The following BOP1 variants were observed in gnomAD, a reference collection of about 807,000 sequenced individuals.
The protein encoded by BOP1 is BOP1 ribosomal biogenesis factor.
A neutral mutation model predicts 82.9 loss-of-function variants in BOP1; 54 were observed. The ratio of observed to expected loss-of-function variants is 0.65; its 90% CI spans 0.52 to 0.82. The LOEUF (loss-of-function observed/expected upper bound fraction) is 0.82. Among genes scored for constraint, BOP1 ranks in the 40% least tolerant of loss-of-function variants. The pLI is 0.00. For synonymous variants in BOP1, 566 were observed against 451.1 expected (o/e 1.25, Z -3.23); for missense variants, 1,170 against 1,072.0 (o/e 1.09, Z -1.28).
intron 3 of BOP1, chr8:144,267,252 A>G: frequency 7.0e-7 from 1 of 1,428,188 alleles, no homozygotes. Flanking sequence ...CAGGCAGAGG[A>G]GGCGAGGCCA....
rs1815061788 is a variant in BOP1, at chr8:144,291,222, C to A, written c.99+50G>T. The A allele has an allele frequency of 7.3e-7, 1 of 1,370,246 alleles. No individual in the cohort carries two copies. Among genetic ancestry groups the A allele is most frequent in the Admixed American group, 3.8e-5 (1 of 26,570 alleles). The allele number at this position is 1,370,246 out of a possible 1,614,324, so 84.9% of individuals were successfully genotyped here. A position where few individuals can be genotyped will look rare whatever the true frequency, so the allele number is the denominator to read the frequency against. On this transcript the variant is annotated intron_variant, in intron 1 of 15. Transcript: ENST00000569669. The surrounding 1 kb of genome is among the most constrained non-coding windows in gnomAD (Gnocchi z 4.1). Reference sequence around the variant, plus strand: ...ACCCGCCCCAGCGCGGCCACGTGCCCGCCGGGCCCTCTAGGGACGCGCCCC... The same window carrying A: ...ACCCGCCCCAGCGCGGCCACGTGCCAGCCGGGCCCTCTAGGGACGCGCCCC...
At chr8:144,278,893 T>C (rs55771710) in intron 2 of BOP1, among the ~76,000 whole-genome samples, 79,066 of 152,120 alleles carry the variant, frequency 0.52, 21,036 homozygotes, top group African/African-American at 0.6. Context: ...AGAAAGTACA[T>C]CAGCAGGAAC....
intron 3 of BOP1, among the ~76,000 whole-genome samples, chr8:144,271,174 C>T (rs1318611649): frequency 1.3e-5 from 2 of 152,126 alleles, no homozygotes; most frequent in African/African-American, 2.4e-5. Flanking sequence ...CAGACTGCAC[C>T]GGACACAGGC....
chr8:144,278,342 A>T (rs1387030871), intron 2 of BOP1, among the ~76,000 whole-genome samples: 4 of 152,224 alleles, frequency 2.6e-5, no homozygotes, highest in African/African-American at 9.6e-5. Flanking sequence ...GAATGTCACC[A>T]TGAGGACCAA....
intron 2 of BOP1, among the ~76,000 whole-genome samples, chr8:144,280,063 T>C (rs1845644456): frequency 6.6e-6 from 1 of 152,210 alleles, no homozygotes; most frequent in Admixed American, 6.5e-5. Flanking sequence ...GCTTTCGGCC[T>C]GAACTCTGAC....
At position 144,263,932 on chromosome 8, in the gene BOP1, G is replaced by A. The variant is rs1845298443; in HGVS notation, c.1141-21C>T. 12 of 1,611,106 alleles carry A rather than the reference G, an allele frequency of 7.4e-6. No homozygotes were observed. The South Asian group carries it at 1.1e-4, about 15-fold the overall frequency. The stretch of plus-strand genomic sequence containing the variant: ...TTCACCTGGGGCAGGAGAGCGCCAG[G>A]TCAGCCTTGCCCCCTGTGCCACCCC... On this transcript the variant is annotated intron_variant, in intron 8 of 15. Transcript: ENST00000569669.
intron 3 of BOP1, among the ~76,000 whole-genome samples, chr8:144,272,302 T>A (rs1845504497): frequency 6.6e-6 from 1 of 151,880 alleles, no homozygotes; most frequent in African/African-American, 2.4e-5. Context: ...TCCGGACACC[T>A]CCAAAATCTC....
intron 2 of BOP1, among the ~76,000 whole-genome samples, chr8:144,284,858 G>C (rs1411148029): frequency 6.6e-6 from 1 of 152,206 alleles, no homozygotes; most frequent in Admixed American, 6.5e-5. Context: ...CTGTGGCCCG[G>C]CCCTGCAGCC....
At chr8:144,266,889 C>T in intron 3 of BOP1, 2 of 1,514,278 alleles carry the variant, frequency 1.3e-6, no homozygotes, top group Non-Finnish European at 1.8e-6. Context: ...ACAGCGTGAA[C>T]ACGGCCTTCA....
At chr8:144,286,028 A>G (rs543454379) in intron 2 of BOP1, among the ~76,000 whole-genome samples, 191 of 152,332 alleles carry the variant, frequency 1.3e-3, no homozygotes, top group African/African-American at 4.4e-3. Flanking sequence ...CTGCCGGCTG[A>G]GTTTCCACCT....
intron 15 of BOP1, 37 bp downstream of exon 15, chr8:144,262,359 T>G: frequency 6.2e-7 from 1 of 1,612,574 alleles, no homozygotes; most frequent in Non-Finnish European, 8.5e-7. Context: ...CAGACACCAC[T>G]GCCCTGGGGA....
chr8:144,263,773 G>A lies in BOP1; in HGVS notation c.1222-12C>T. 1.3e-6 allele frequency: 2 copies of A among 1,595,170 alleles called. No individual in the cohort carries two copies. The highest frequency in any genetic ancestry group is 1.7e-6 in the Non-Finnish European group (2 of 1,172,488). On this transcript the variant is annotated splice_polypyrimidine_tract_variant and intron_variant, in intron 9 of 15. Coordinates refer to ENST00000569669, the MANE Select transcript of BOP1 (RefSeq NM_015201.5). ...TGGCCCCTGTAGACCTGAGGAGGCG[G>A]CGGCAGTGAGGAGTCAGACTGGGAG...
At chr8:144,269,789 C>G (rs1238259941) in intron 3 of BOP1, among the ~76,000 whole-genome samples, 1 of 152,190 alleles carries the variant, frequency 6.6e-6, no homozygotes, top group African/African-American at 2.4e-5. Flanking sequence ...TGACGCAGCC[C>G]CTTCCCTTCT....
chr8:144,266,903 C>T (rs1564596187), intron 3 of BOP1: 7 of 1,537,140 alleles, frequency 4.6e-6, no homozygotes, highest in Admixed American at 1.8e-5. Flanking sequence ...GCCTTCACGG[C>T]GCTGCGCACG....
At chr8:144,287,345 G>A (rs1284207533) in intron 2 of BOP1, among the ~76,000 whole-genome samples, 1 of 152,164 alleles carries the variant, frequency 6.6e-6, no homozygotes, top group Non-Finnish European at 1.5e-5. Context: ...ACATGTAAAT[G>A]TGTAAATCCT....
At chr8:144,285,412 A>G (rs1564603491) in intron 2 of BOP1, among the ~76,000 whole-genome samples, 1 of 152,216 alleles carries the variant, frequency 6.6e-6, no homozygotes, top group Non-Finnish European at 1.5e-5. Flanking sequence ...ACTGTGGAGG[A>G]AACAGCGACA....
chr8:144,273,849 G>A (rs1273651786), intron 3 of BOP1, among the ~76,000 whole-genome samples: 1 of 151,770 alleles, frequency 6.6e-6, no homozygotes, highest in East Asian at 1.9e-4. Context: ...TCCTCCAGGG[G>A]CTCCGCCCGC....
In BOP1 at chr8:144,284,923, G is replaced by A. The variant is rs539272166; in HGVS notation, c.309+4172C>T. Among the ~76,000 whole-genome samples the A allele has an allele frequency of 1.2e-3, 177 of 152,304 alleles. 2 individuals carry two copies. The highest frequency in any genetic ancestry group is 3.4e-3 in the Middle Eastern group (1 of 294). On this transcript the variant is annotated intron_variant, in intron 2 of 15. Transcript: ENST00000569669. The stretch of plus-strand genomic sequence containing the variant: ...GCAGGTCCGGAGCCCTTGGCAGGTC[G>A]CCAGGTCTCCACAGGGGCCGCCAGC...
At chr8:144,267,190 G>A in intron 3 of BOP1, 1 of 1,512,196 alleles carries the variant, frequency 6.6e-7, no homozygotes, top group Non-Finnish European at 8.8e-7. Context: ...GGTGAGCACG[G>A]GCCGTGGGGC....
Sources: allele counts gnomAD v4.1 joint callset (sites outside exome capture counted in the v4.1 genomes callset), GRCh38; gene constraint gnomAD v4.1.1; non-coding constraint Gnocchi (gnomAD v3.1); transcripts MANE v1.5; gene names NCBI Gene and HGNC (gene_info 2026-07-23, HGNC 2026-07-21).